Variants in ANKFN1 observed in about 807,000 individuals in gnomAD.
ANKFN1 encodes ankyrin repeat and fibronectin type-III domain-containing protein 1.
A neutral mutation model predicts 108.7 loss-of-function variants in ANKFN1; 74 were observed. The ratio of observed to expected loss-of-function variants is 0.68; its 90% CI spans 0.56 to 0.83. ANKFN1 has a LOEUF of 0.83. ANKFN1 is among the 40% of genes least tolerant of loss of function. ANKFN1 has a pLI of 0.00. For synonymous variants in ANKFN1, 547 were observed against 516.2 expected, an observed-to-expected ratio of 1.06 and a Z score of -0.81; for missense variants, 1,505 against 1,382.3, an observed-to-expected ratio of 1.09 and a Z score of -1.41.
chr17:56,189,169 A>AATTTTTTTTT (rs1912593021), intron 1 of ANKFN1, among the ~76,000 whole-genome samples: 1 of 54,652 alleles, frequency 1.8e-5, no homozygotes, highest in South Asian at 7.4e-4. Flanking sequence ...TGTTGCCCTG[A>AATTTTTTTTT]CTTTTTTTTT....
chr17:56,322,864 T>C (rs2045409347), intron 3 of ANKFN1, among the ~76,000 whole-genome samples: 1 of 152,212 alleles, frequency 6.6e-6, no homozygotes, highest in African/African-American at 2.4e-5. Context: ...GCTAAGTATA[T>C]CTCTTTTATC....
chr17:56,257,236 T>C (rs889584171), intron 3 of ANKFN1, among the ~76,000 whole-genome samples: 1 of 152,204 alleles, frequency 6.6e-6, no homozygotes, highest in African/African-American at 2.4e-5. Context: ...AGTAGAGATG[T>C]CATTTCTCTA....
intron 8 of ANKFN1, among the ~76,000 whole-genome samples, chr17:56,396,469 A>G (rs1369712962): frequency 6.6e-6 from 1 of 152,160 alleles, no homozygotes; most frequent in Non-Finnish European, 1.5e-5. Flanking sequence ...AACATCGAAC[A>G]TTGCAAAGAG....
chr17:56,508,612 A>C (rs2051646508), intron 20 of ANKFN1, among the ~76,000 whole-genome samples: 1 of 152,258 alleles, frequency 6.6e-6, no homozygotes, highest in Non-Finnish European at 1.5e-5. Flanking sequence ...GAAGACATAA[A>C]TTAATACAGA....
chr17:56,166,730 T>A (rs917233779), intron 1 of ANKFN1, among the ~76,000 whole-genome samples: 1 of 152,182 alleles, frequency 6.6e-6, no homozygotes, highest in Non-Finnish European at 1.5e-5. Flanking sequence ...AAGCTGGACA[T>A]GACCATGCCC....
At chr17:56,164,999 A>C (rs1344993239) in intron 1 of ANKFN1, among the ~76,000 whole-genome samples, 1 of 152,254 alleles carries the variant, frequency 6.6e-6, no homozygotes, top group Non-Finnish European at 1.5e-5. Context: ...GTTAGGTGGC[A>C]CTGGACAACT....
chr17:56,153,517 C>A lies in ANKFN1; in HGVS notation c.-84C>A, dbSNP rs757377867. The stretch of plus-strand genomic sequence containing the variant: ...CTCAGTCCTGTGTCTCTCATGGAGG[C>A]GTCTCTAACCAGGGTAGGAAAACAA... On this transcript the variant is annotated 5_prime_UTR_variant, in exon 1 of 21. Transcript: ENST00000682825. The A allele has an allele frequency of 1.2e-6, 2 of 1,614,068 alleles. No homozygotes were observed. The highest frequency in any genetic ancestry group is 1.7e-6 in the Non-Finnish European group (2 of 1,179,932).
chr17:56,127,977 T>C (rs1036826815), intron 4 of ANKFN1, among the ~76,000 whole-genome samples: 2 of 152,194 alleles, frequency 1.3e-5, no homozygotes, highest in African/African-American at 4.8e-5. Flanking sequence ...AAAACTATTG[T>C]TATGAAACAC....
chr17:56,261,851 C>T (rs1481250291), intron 3 of ANKFN1, among the ~76,000 whole-genome samples: 1 of 152,102 alleles, frequency 6.6e-6, no homozygotes, highest in African/African-American at 2.4e-5. Context: ...CACAGACATA[C>T]CCAGGAACAA....
At chr17:56,487,229 C>T (rs2050884468) in intron 18 of ANKFN1, among the ~76,000 whole-genome samples, 1 of 152,152 alleles carries the variant, frequency 6.6e-6, no homozygotes, top group Admixed American at 6.5e-5. Flanking sequence ...GACACTCTAC[C>T]ATCCTTTGGG....
chr17:56,433,695 G>A (rs2048837322), intron 8 of ANKFN1, among the ~76,000 whole-genome samples: 2 of 152,172 alleles, frequency 1.3e-5, no homozygotes, highest in South Asian at 2.1e-4. Flanking sequence ...CGGGAAGGGG[G>A]TGAGGGATAA....
chr17:56,316,241 A>T (rs2045203489), intron 3 of ANKFN1, among the ~76,000 whole-genome samples: 1 of 152,160 alleles, frequency 6.6e-6, no homozygotes, highest in Admixed American at 6.6e-5. Context: ...GTGCAAATAG[A>T]ATTAACTTCC....
At chr17:56,210,275 G>A (rs950252706) in intron 1 of ANKFN1, among the ~76,000 whole-genome samples, 1 of 152,116 alleles carries the variant, frequency 6.6e-6, no homozygotes, top group Non-Finnish European at 1.5e-5. Context: ...TTGCTGGATC[G>A]GGATGGTTTA....
intron 5 of ANKFN1, among the ~76,000 whole-genome samples, chr17:56,352,063 A>G (rs2144675941): frequency 6.6e-6 from 1 of 152,274 alleles, no homozygotes; most frequent in Admixed American, 6.6e-5. Context: ...GTTTTCTAAT[A>G]TGTTTTCGCA....
At chr17:56,405,669 T>C (rs916951583) in intron 8 of ANKFN1, among the ~76,000 whole-genome samples, 1 of 152,178 alleles carries the variant, frequency 6.6e-6, no homozygotes, top group African/African-American at 2.4e-5. Flanking sequence ...AATTAGGAAC[T>C]AATTAAATAA....
At position 56,246,716 on chromosome 17, in the gene ANKFN1, T is replaced by G. The variant is rs558996841; in HGVS notation, c.53+18759T>G. 3.3e-5 allele frequency among the ~76,000 whole-genome samples: 5 copies of G among 152,198 alleles called. 1 individual carries two copies. The South Asian group carries it at 1.0e-3, about 32-fold the overall frequency. On this transcript the variant is annotated intron_variant, in intron 3 of 20. Transcript: ENST00000682825. ...CAATTCCATAAAAAAACAAAGAAAC[T>G]TCACATTTTCAATTAGATTTAAAAA...
intron 4 of ANKFN1, among the ~76,000 whole-genome samples, chr17:56,104,020 A>G (rs1234168623): frequency 1.3e-5 from 2 of 152,216 alleles, no homozygotes; most frequent in Non-Finnish European, 2.9e-5. Context: ...ATGTGGCTCC[A>G]ATATAAAATA....
chr17:56,368,276 C>CTTGTTTTTTTTTTTTTTTTTTT (rs2046713760), intron 6 of ANKFN1: 1 of 65,416 alleles, frequency 1.5e-5, no homozygotes, highest in Admixed American at 3.7e-4. Context: ...TGAAAATGAA[C>CTTGTTTTTTTTTTTTTTTTTTT]TTTTTTTTTT....
chr17:56,159,906 G>A (rs895924795), intron 1 of ANKFN1, among the ~76,000 whole-genome samples: 5 of 151,852 alleles, frequency 3.3e-5, no homozygotes, highest in Admixed American at 6.6e-5. Flanking sequence ...GGGCCAGGGC[G>A]GGGCAGGGGA....
Sources: gnomAD v4.1 joint callset for allele counts (sites outside exome capture counted in the v4.1 genomes callset) on GRCh38, gnomAD v4.1.1 for gene constraint, MANE v1.5 for transcripts, NCBI Gene and HGNC (gene_info 2026-07-23, HGNC 2026-07-21) for gene names.